Variants in NALF1 observed in about 807,000 individuals in gnomAD.
The protein encoded by NALF1 is NALCN channel auxiliary factor 1, also known as family with sequence similarity 155 member A.
Under a neutral mutation model 48.4 loss-of-function variants are expected in NALF1, and 3 were observed. The observed-to-expected ratio is 0.06, with a 90% CI of 0.03 to 0.16. The LOEUF is 0.16. NALF1 is among the 10% of genes least tolerant of loss of function. The pLI is 1.00. For missense variants in NALF1, 526 were observed against 571.5 expected, an observed-to-expected ratio of 0.92 and a Z score of 0.81; for synonymous variants, 262 against 245.7, an observed-to-expected ratio of 1.07 and a Z score of -0.62.
intron 1 of NALF1, among the ~76,000 whole-genome samples, chr13:107,365,639 C>T (rs559769632): frequency 1.3e-5 from 2 of 152,244 alleles, no homozygotes; most frequent in South Asian, 4.1e-4. Flanking sequence ...AATGGTTGAC[C>T]TCTTGCAGAG....
chr13:107,734,913 C>T (rs773144520), intron 1 of NALF1, among the ~76,000 whole-genome samples: 2 of 152,128 alleles, frequency 1.3e-5, no homozygotes, highest in African/African-American at 2.4e-5. Flanking sequence ...CACGTTTAGA[C>T]ATTGCTATGA....
intron 1 of NALF1, among the ~76,000 whole-genome samples, chr13:107,343,452 T>C (rs1043227885): frequency 2.0e-5 from 3 of 152,186 alleles, no homozygotes; most frequent in African/African-American, 4.8e-5. Context: ...CAAGATCTGA[T>C]GGTTTTAAAA....
chr13:107,556,988 G>A (rs552945409), intron 1 of NALF1, among the ~76,000 whole-genome samples: 1 of 152,258 alleles, frequency 6.6e-6, no homozygotes, highest in Admixed American at 6.5e-5. Flanking sequence ...TGTATAATGT[G>A]ATTTTTCAAC....
intron 1 of NALF1, among the ~76,000 whole-genome samples, chr13:107,855,790 G>T (rs1400121466): frequency 6.6e-6 from 1 of 152,194 alleles, no homozygotes; most frequent in Non-Finnish European, 1.5e-5. Flanking sequence ...TTACCGCTTT[G>T]ATAAAGAAAA....
chr13:107,835,653 A>G (rs920878787), intron 1 of NALF1, among the ~76,000 whole-genome samples: 25 of 152,198 alleles, frequency 1.6e-4, no homozygotes, highest in Non-Finnish European at 2.8e-4. Context: ...CTCAGGGCTT[A>G]GTTAGTTAAT....
chr13:107,845,774 T>G (rs180762208), intron 1 of NALF1, among the ~76,000 whole-genome samples: 2 of 152,194 alleles, frequency 1.3e-5, no homozygotes, highest in African/African-American at 4.8e-5. Context: ...CATTTTAAAA[T>G]TACAAGTGAA....
chr13:107,724,488 C>T (rs896763523), intron 1 of NALF1, among the ~76,000 whole-genome samples: 1 of 152,174 alleles, frequency 6.6e-6, no homozygotes, highest in African/African-American at 2.4e-5. Context: ...TTGTCTGCTT[C>T]AAGATTTTGA....
chr13:107,726,747 CTACAAGGCACAGG>C (rs769694456), intron 1 of NALF1, among the ~76,000 whole-genome samples: 286 of 151,728 alleles, frequency 1.9e-3, no homozygotes, highest in Non-Finnish European at 3.1e-3. Flanking sequence ...GTAGCTAGGA[CTACAAGGCACAGG>C]CCACCACATG....
At chr13:107,192,430 T>C (rs1295377355) in intron 2 of NALF1, among the ~76,000 whole-genome samples, 2 of 152,152 alleles carry the variant, frequency 1.3e-5, no homozygotes, top group Non-Finnish European at 2.9e-5. Flanking sequence ...CACATTAATT[T>C]GGTAAAGATT....
chr13:107,277,617 G>A (rs1333159356), intron 1 of NALF1, among the ~76,000 whole-genome samples: 1 of 152,088 alleles, frequency 6.6e-6, no homozygotes, highest in Admixed American at 6.6e-5. Context: ...CTAATGAAAG[G>A]GTTTTCTAAG....
chr13:107,371,134 G>A (rs1484996402), intron 1 of NALF1, among the ~76,000 whole-genome samples: 1 of 152,180 alleles, frequency 6.6e-6, no homozygotes, highest in Non-Finnish European at 1.5e-5. Context: ...GAACCTAGGA[G>A]AAAGTTCTGA....
chr13:107,316,474 C>G (rs1285062668), intron 1 of NALF1, among the ~76,000 whole-genome samples: 1 of 152,224 alleles, frequency 6.6e-6, no homozygotes, highest in African/African-American at 2.4e-5. Context: ...AATCACCACA[C>G]TGACTTCCAC....
chr13:107,760,910 A>G (rs1877244151), intron 1 of NALF1, among the ~76,000 whole-genome samples: 2 of 152,212 alleles, frequency 1.3e-5, no homozygotes, highest in African/African-American at 4.8e-5. Context: ...AAGAGAAGAA[A>G]GGAGCTAATA....
At chr13:107,680,370 T>G (rs1881254338) in intron 1 of NALF1, among the ~76,000 whole-genome samples, 1 of 151,818 alleles carries the variant, frequency 6.6e-6, no homozygotes, top group South Asian at 2.1e-4. Flanking sequence ...GCTGAATTAT[T>G]TTTGCTCTCA....
intron 1 of NALF1, among the ~76,000 whole-genome samples, chr13:107,800,358 A>G (rs1239844737): frequency 1.3e-5 from 2 of 151,970 alleles, no homozygotes; most frequent in Non-Finnish European, 2.9e-5. Flanking sequence ...TATTATTATC[A>G]TATCACTTTT....
At chr13:107,437,206 A>C (rs1884476480) in intron 1 of NALF1, among the ~76,000 whole-genome samples, 2 of 152,146 alleles carry the variant, frequency 1.3e-5, no homozygotes, top group African/African-American at 2.4e-5. Context: ...ATACTCAACA[A>C]AAGGGCAATA....
At chr13:107,608,641 C>G (rs1217524146) in intron 1 of NALF1, among the ~76,000 whole-genome samples, 2 of 152,090 alleles carry the variant, frequency 1.3e-5, no homozygotes, top group Non-Finnish European at 2.9e-5. Context: ...GAAGTGTAAG[C>G]AACGGTTGCA....
chr13:107,693,609 T>G (rs979353308), intron 1 of NALF1, among the ~76,000 whole-genome samples: 1 of 152,136 alleles, frequency 6.6e-6, no homozygotes, highest in East Asian at 1.9e-4. Flanking sequence ...TTTTCTTTTT[T>G]TTTTTTTCCT....
intron 1 of NALF1, among the ~76,000 whole-genome samples, chr13:107,608,459 T>C (rs55842586): frequency 6.6e-6 from 1 of 152,154 alleles, no homozygotes; most frequent in Admixed American, 6.5e-5. Flanking sequence ...ATAAATATTG[T>C]TTTTAAGCCA....
Sources: allele counts gnomAD v4.1 joint callset (sites outside exome capture counted in the v4.1 genomes callset), GRCh38; gene constraint gnomAD v4.1.1; transcripts MANE v1.5; gene names NCBI Gene and HGNC (gene_info 2026-07-23, HGNC 2026-07-21).